POU6F2: variants seen among roughly 807,000 people sequenced by gnomAD.
The protein encoded by POU6F2 is POU domain, class 6, transcription factor 2.
Under a neutral mutation model 71.3 loss-of-function variants are expected in POU6F2, and 31 were observed. The observed-to-expected ratio is 0.43, with a 90% CI of 0.33 to 0.59. The LOEUF (loss-of-function observed/expected upper bound fraction) is 0.59, where lower values mean the gene tolerates loss of function less well. POU6F2 is among the 20% of genes least tolerant of loss of function. POU6F2 has a pLI of 0.04. For synonymous variants in POU6F2, 347 were observed against 355.7 expected, an observed-to-expected ratio of 0.98 and a Z score of 0.27; for missense variants, 783 against 856.8, an observed-to-expected ratio of 0.91 and a Z score of 1.07.
intron 2 of POU6F2, among the ~76,000 whole-genome samples, chr7:39,142,178 G>A (rs575194519): frequency 4.9e-4 from 75 of 152,252 alleles, no homozygotes; most frequent in African/African-American, 1.8e-3. Context: ...TCTAATGTAA[G>A]GTCATCTCTT....
Position 39,339,763 on chromosome 7 carries a change from G to T in POU6F2, c.720G>T (p.Ala240=), listed in dbSNP as rs753100110. 1 of 1,587,422 alleles carries T rather than the reference G, an allele frequency of 6.3e-7. No homozygotes were observed. The highest frequency in any genetic ancestry group is 8.6e-7 in the Non-Finnish European group (1 of 1,167,262). Residue 240 remains alanine (A), a synonymous_variant, in exon 5 of 10, where the codon GCG becomes GCT. Coordinates refer to ENST00000518318, the MANE Select transcript of POU6F2 (RefSeq NM_001370959.1). The part of the protein sequence containing the change: ...TNQHPQPAPQ[A]PSQSQQQPLQ... ...AGCACCCGCAACCAGCCCCACAGGC[G>T]CCCTCGCAGTCCCAGCAGCAGCCGC...
rs1005273076 is a variant in POU6F2 at position 39,460,525 on chromosome 7, A to G, written c.1490-22A>G. On this transcript the variant is annotated intron_variant, in intron 8 of 9. Coordinates refer to ENST00000518318, the MANE Select transcript of POU6F2 (RefSeq NM_001370959.1). This position sits in a 1 kb window ranked among gnomAD's most constrained non-coding sequence, Gnocchi z 4.4. Reference sequence around the variant, plus strand: ...GGCTGTGTGTTGACGTATTGATCCTATTTTTAAAAACATCTCCACAGATCC... The same window carrying G: ...GGCTGTGTGTTGACGTATTGATCCTGTTTTTAAAAACATCTCCACAGATCC... The G allele has an allele frequency of 4.3e-6, 7 of 1,611,194 alleles. No individual in the cohort carries two copies. In the African/African-American group the frequency reaches 9.3e-5, roughly 22 times the overall value.
chr7:39,270,484 G>A (rs1583487359), intron 4 of POU6F2, among the ~76,000 whole-genome samples: 1 of 152,218 alleles, frequency 6.6e-6, no homozygotes, highest in South Asian at 2.1e-4. Flanking sequence ...CAAGGAAATG[G>A]ATTTAGTAAA....
At chr7:39,024,786 T>C (rs1789761847) in intron 1 of POU6F2, among the ~76,000 whole-genome samples, 1 of 152,192 alleles carries the variant, frequency 6.6e-6, no homozygotes, top group African/African-American at 2.4e-5. Context: ...TCTTTGGTTC[T>C]GTTTATATGC....
At chr7:39,087,043 GAAAC>G (rs1791261762) in intron 2 of POU6F2, among the ~76,000 whole-genome samples, 1 of 137,012 alleles carries the variant, frequency 7.3e-6, no homozygotes, top group South Asian at 2.3e-4. Context: ...TCTCAGGTAA[GAAAC>G]AGTCAAGCAC....
intron 1 of POU6F2, among the ~76,000 whole-genome samples, chr7:39,080,631 T>C (rs1204774762): frequency 6.6e-6 from 1 of 152,226 alleles, no homozygotes; most frequent in Non-Finnish European, 1.5e-5. Context: ...ACCAAATGAA[T>C]TGTTTCCCTG....
At chr7:39,096,509 G>A (rs1040012093) in intron 2 of POU6F2, among the ~76,000 whole-genome samples, 1 of 152,152 alleles carries the variant, frequency 6.6e-6, no homozygotes, top group Non-Finnish European at 1.5e-5. Flanking sequence ...TCATCTTTCT[G>A]TCAAGAGGAG....
chr7:39,440,796 ATTCT>A (rs1468060420), intron 7 of POU6F2, among the ~76,000 whole-genome samples: 1 of 151,986 alleles, frequency 6.6e-6, no homozygotes, highest in Non-Finnish European at 1.5e-5. Context: ...TTTTTCATTG[ATTCT>A]TTCTCATCTT....
At chr7:39,115,433 T>C (rs1791908939) in intron 2 of POU6F2, among the ~76,000 whole-genome samples, 1 of 152,182 alleles carries the variant, frequency 6.6e-6, no homozygotes, top group Admixed American at 6.5e-5. Context: ...CAAACAAGGT[T>C]GACTTCTCTC....
At chr7:39,228,227 G>A (rs1052531804) in intron 4 of POU6F2, among the ~76,000 whole-genome samples, 1 of 152,260 alleles carries the variant, frequency 6.6e-6, no homozygotes, top group Admixed American at 6.5e-5. Flanking sequence ...TTGTTTTTGT[G>A]TAGGTTTGAT....
At chr7:39,170,783 G>T (rs964422977) in intron 2 of POU6F2, among the ~76,000 whole-genome samples, 1 of 151,864 alleles carries the variant, frequency 6.6e-6, no homozygotes, top group Non-Finnish European at 1.5e-5. Context: ...GAGGCGACAG[G>T]TATCCCAATT....
chr7:38,980,142 C>A (rs1788280984), intron 1 of POU6F2, among the ~76,000 whole-genome samples: 2 of 152,124 alleles, frequency 1.3e-5, no homozygotes, highest in Non-Finnish European at 2.9e-5. Flanking sequence ...CTTATGAATA[C>A]ATTGTAAATA....
At chr7:39,421,266 A>C (rs549009882) in intron 6 of POU6F2, among the ~76,000 whole-genome samples, 1 of 152,326 alleles carries the variant, frequency 6.6e-6, no homozygotes, top group South Asian at 2.1e-4. Context: ...AAATTGAAAA[A>C]GTAATATATG....
At chr7:39,376,949 A>T (rs1786722049) in intron 5 of POU6F2, among the ~76,000 whole-genome samples, 1 of 148,492 alleles carries the variant, frequency 6.7e-6, no homozygotes, top group Admixed American at 6.8e-5. Context: ...TTAAGTGCAT[A>T]TTTACATATT....
intron 4 of POU6F2, among the ~76,000 whole-genome samples, chr7:39,295,610 C>T (rs60803367): frequency 0.11 from 16,978 of 152,068 alleles, 1,205 homozygotes; most frequent in East Asian, 0.17. Flanking sequence ...AGTGAGACTC[C>T]GTCTCCAAAA....
intron 1 of POU6F2, among the ~76,000 whole-genome samples, chr7:39,072,144 T>G (rs1277706341): frequency 6.6e-6 from 1 of 152,170 alleles, no homozygotes; most frequent in Non-Finnish European, 1.5e-5. Context: ...CTCTCATTTG[T>G]GTTGTGGGGA....
chr7:39,443,395 G>C (rs116684622), intron 7 of POU6F2, among the ~76,000 whole-genome samples: 2 of 152,192 alleles, frequency 1.3e-5, no homozygotes, highest in African/African-American at 4.8e-5. Context: ...AGAGCAATGC[G>C]GGAACCATCT....
chr7:39,323,009 A>G (rs1050865697), intron 4 of POU6F2, among the ~76,000 whole-genome samples: 7 of 152,162 alleles, frequency 4.6e-5, no homozygotes, highest in African/African-American at 1.4e-4. Flanking sequence ...AGCTGAAGTC[A>G]TCAAGTGGCC....
At chr7:39,203,212 G>C (rs1402234647) in intron 2 of POU6F2, among the ~76,000 whole-genome samples, 1 of 152,192 alleles carries the variant, frequency 6.6e-6, no homozygotes, top group East Asian at 1.9e-4. Context: ...AAATTTATAA[G>C]TGTGACAGAG....
Sources: gnomAD v4.1 joint callset for allele counts (sites outside exome capture counted in the v4.1 genomes callset) on GRCh38, gnomAD v4.1.1 for gene constraint, Gnocchi (gnomAD v3.1) non-coding constraint, MANE v1.5 for transcripts, NCBI Gene and HGNC (gene_info 2026-07-23, HGNC 2026-07-21) for gene names.